The following SEMA4F variants were observed in gnomAD, a reference collection of about 807,000 sequenced individuals.
SEMA4F encodes semaphorin-4F.
SEMA4F carries 51 observed loss-of-function variants against 78.4 expected under a neutral mutation model. That is an observed-to-expected ratio of 0.65 (90% CI 0.52 to 0.82). SEMA4F has a LOEUF of 0.82. SEMA4F is among the 40% of genes least tolerant of loss of function. SEMA4F has a pLI of 0.00. For missense variants in SEMA4F, 938 were observed against 1,014.4 expected, an observed-to-expected ratio of 0.92 and a Z score of 1.02; for synonymous variants, 418 against 408.7, an observed-to-expected ratio of 1.02 and a Z score of -0.27.
intron 5 of SEMA4F, among the ~76,000 whole-genome samples, chr2:74,664,168 G>A (rs1454909294): frequency 6.6e-6 from 1 of 152,200 alleles, no homozygotes; most frequent in South Asian, 2.1e-4. Context: ...TCTTGTGGTA[G>A]TGTAAAGCAG....
At chr2:74,665,757 ACACT>A (rs1684659691) in intron 5 of SEMA4F, among the ~76,000 whole-genome samples, 1 of 152,118 alleles carries the variant, frequency 6.6e-6, no homozygotes, top group Non-Finnish European at 1.5e-5. Context: ...ATCTTTGATG[ACACT>A]CAGAGTCATT....
Position 74,679,734 on chromosome 2 carries a change from G to T in SEMA4F, c.1838G>T (p.Gly613Val), listed in dbSNP as rs777080634. Residue 613 changes from glycine (G) to valine (V), a missense_variant, in exon 14 of 14, where the codon GGA becomes GTA. Gly to Val is a moderately radical substitution (Grantham distance 109). Coordinates refer to ENST00000357877, the MANE Select transcript of SEMA4F (RefSeq NM_004263.5). ...ACTGCACTCACCCCCCGGCGGGATG[G>T]ACTGGAGGTGGTGGTGACCCCAGGG... ...GVTALTPRRD[G>V]LEVVVTPGAM... 7 of 1,614,200 alleles carry T rather than the reference G, an allele frequency of 4.3e-6. No homozygotes were observed. The highest frequency in any genetic ancestry group is 1.1e-5 in the South Asian group (1 of 91,086).
chr2:74,665,902 G>GTTTTTTTTTTTTTTT, intron 5 of SEMA4F, among the ~76,000 whole-genome samples: 1 of 135,936 alleles, frequency 7.4e-6, no homozygotes, highest in Non-Finnish European at 1.6e-5. Flanking sequence ...AGTAATTTTT[G>GTTTTTTTTTTTTTTT]TTTTTTTTTT....
In SEMA4F at chr2:74,675,533, C is replaced by T. The variant is rs1228615974; in HGVS notation, c.1381C>T (p.His461Tyr). 1.2e-6 allele frequency: 2 copies of T among 1,613,850 alleles called. No individual in the cohort carries two copies. Among genetic ancestry groups the T allele is most frequent in the Non-Finnish European group, 1.7e-6 (2 of 1,179,822 alleles). The change falls in exon 11 of 14, where the codon CAC becomes TAC. Residue 461 changes from histidine (H) to tyrosine (Y), a missense_variant. Transcript: ENST00000357877. ...CCTTTCCTGTCCCCTAGAGGATGGA[C>T]ACCTCCACCGAGCAGTGCGGATCGG... ...DVLYLGTEDG[H>Y]LHRAVRIGAQ...
chr2:74,664,797 G>C (rs1307395654), intron 5 of SEMA4F, among the ~76,000 whole-genome samples: 1 of 152,304 alleles, frequency 6.6e-6, no homozygotes, highest in South Asian at 2.1e-4. Context: ...TCTTGGACCA[G>C]TTAAGAGGTA....
Position 74,675,017 on chromosome 2 carries a change from C to G in SEMA4F, c.1131C>G (p.Pro377=). ...TGCCTGTCGTGGACAATGATGTGCCCCAGCCCAGACCTGGAGAGGTGAGGG... is the reference window on the plus strand; with the variant it reads ...TGCCTGTCGTGGACAATGATGTGCCGCAGCCCAGACCTGGAGAGGTGAGGG... ...RGLPVVDNDV[P]QPRPGECITN... is the part of the protein sequence containing the mutation. The change falls in exon 9 of 14, where the codon CCC becomes CCG. Residue 377 remains proline, a synonymous_variant. Transcript: ENST00000357877. 1 of 1,613,878 alleles carries G rather than the reference C, an allele frequency of 6.2e-7. No homozygotes were observed.
rs1424616582 is a variant in SEMA4F at position 74,675,866 on chromosome 2, T to A, written c.1600T>A (p.Phe534Ile). ...CCAGGACCCAGTCTGTGCCTGGAGC[T>A]TCCGGCTGGATGAGTGTGTGGCCCA... Reference protein sequence around the residue: ...LAQDPVCAWSFRLDECVAHAG... With the variant: ...LAQDPVCAWSIRLDECVAHAG... Residue 534 changes from phenylalanine to isoleucine, a missense_variant, in exon 12 of 14, where the codon TTC (phenylalanine) becomes ATC (isoleucine). By Grantham distance (21) the Phe-to-Ile change is conservative. Coordinates refer to ENST00000357877, the MANE Select transcript of SEMA4F (RefSeq NM_004263.5). 1.9e-6 allele frequency: 3 copies of A among 1,614,186 alleles called. No homozygotes were observed. In the Admixed American group the frequency reaches 5.0e-5, roughly 27 times the overall value.
the SEMA4F span, among the ~76,000 whole-genome samples, chr2:74,704,681 G>A: frequency 6.6e-6 from 1 of 151,970 alleles, no homozygotes; most frequent in Non-Finnish European, 1.5e-5. Flanking sequence ...ACTGTAACTT[G>A]CCTACCAATG....
chr2:74,673,808 C>G lies in SEMA4F; in HGVS notation c.802C>G (p.Arg268Gly). Residue 268 changes from arginine (R) to glycine (G), a missense_variant, in exon 7 of 14, where the codon CGG becomes GGG. Transcript: ENST00000357877. ...CTCATACGAGCGCATTAAAGTCCCA[C>G]GGGTGGCCCGTGTGTGTGCGGTGAG... ...FDSYERIKVPRVARVCAGDLG... is the reference protein window; with the variant it reads ...FDSYERIKVPGVARVCAGDLG... 5 of 1,613,910 alleles carry G rather than the reference C, an allele frequency of 3.1e-6. No homozygotes were observed. Among genetic ancestry groups the G allele is most frequent in the Non-Finnish European group, 4.2e-6 (5 of 1,179,886 alleles).
At chr2:74,665,434 T>C (rs1684643743) in intron 5 of SEMA4F, among the ~76,000 whole-genome samples, 1 of 152,044 alleles carries the variant, frequency 6.6e-6, no homozygotes, top group South Asian at 2.1e-4. Flanking sequence ...TTTCACTGTG[T>C]TAGTCAGGAT....
intron 12 of SEMA4F, 87 bp from the exon 13 acceptor site, chr2:74,679,189 A>G (rs1685441355): frequency 2.0e-6 from 2 of 997,530 alleles, no homozygotes; most frequent in Admixed American, 1.7e-5. Context: ...GATGGGAGAT[A>G]TATTGAATGA....
Position 74,681,437 on chromosome 2 carries a change from T to C in SEMA4F, c.*1228T>C, listed in dbSNP as rs1685610202. On this transcript the variant is annotated 3_prime_UTR_variant, in exon 14 of 14. Transcript: ENST00000357877. ...TGAGGCCAAGTTAGGATGGCATCAC[T>C]CTGTGGCAGCTCTCCCTGGACTTGC... 6.6e-6 allele frequency: 1 copy of C among 152,664 alleles called. No individual in the cohort carries two copies. The highest frequency in any genetic ancestry group is 1.5e-5 in the Non-Finnish European group (1 of 68,050). 9.5% of individuals were successfully genotyped at this position (152,664 alleles called of 1,614,324 possible).
intron 4 of SEMA4F, 125 bp from the exon 5 acceptor site, chr2:74,662,606 TG>T: frequency 1.3e-6 from 1 of 766,286 alleles, no homozygotes; most frequent in Non-Finnish European, 2.4e-6. Flanking sequence ...GGATGATAGT[TG>T]GGGGTAGGGA....
At chr2:74,655,201 C>T (rs747437513) in intron 1 of SEMA4F, 7 of 289,650 alleles carry the variant, frequency 2.4e-5, no homozygotes, top group Non-Finnish European at 4.6e-5. Flanking sequence ...TGCCCATTCC[C>T]TACATTGAAT....
In SEMA4F at chr2:74,674,681, G is replaced by C; in HGVS notation, c.1001+5G>C. On this transcript the variant is annotated splice_donor_5th_base_variant and intron_variant, in intron 8 of 13. Transcript: ENST00000357877. ...TGGCATCTTTTCTTCCCAGTGGTGA[G>C]GGGTCTTGGTGTGGAGGAGAGTTAC... 1 of 1,613,656 alleles carries C rather than the reference G, an allele frequency of 6.2e-7. No homozygotes were observed. The highest frequency in any genetic ancestry group is 8.5e-7 in the Non-Finnish European group (1 of 1,179,788).
chr2:74,663,022 T>C (rs1684506365), intron 5 of SEMA4F, among the ~76,000 whole-genome samples, 197 bp downstream of exon 5: 1 of 152,258 alleles, frequency 6.6e-6, no homozygotes, highest in South Asian at 2.1e-4. Flanking sequence ...CCCAGGATTC[T>C]CTCCACAGAA....
downstream of SEMA4F, among the ~76,000 whole-genome samples, chr2:74,688,580 A>T (rs1685864168): frequency 6.6e-6 from 1 of 152,258 alleles, no homozygotes; most frequent in Non-Finnish European, 1.5e-5. Flanking sequence ...TAACATTAAT[A>T]GATGAAAAAG....
the SEMA4F span, among the ~76,000 whole-genome samples, chr2:74,694,414 A>G: frequency 2.8e-4 from 43 of 152,256 alleles, no homozygotes; most frequent in Admixed American, 1.2e-3. Context: ...AACTCTTTTT[A>G]CAAAATGAGG....
In SEMA4F at chr2:74,658,159, G is replaced by A. The variant is rs945520480; in HGVS notation, c.456+208G>A. 6.6e-6 allele frequency among the ~76,000 whole-genome samples: 1 copy of A among 152,160 alleles called. No homozygotes were observed. The highest frequency in any genetic ancestry group is 1.5e-5 in the Non-Finnish European group (1 of 68,028). ...AAGCCACTGAGGGAGGGAAAGGGAG[G>A]TTGTCTGGAGAGGGTAAGATATACA... On this transcript the variant is annotated intron_variant, in intron 4 of 13. Coordinates refer to ENST00000357877, the MANE Select transcript of SEMA4F (RefSeq NM_004263.5). The surrounding 1 kb of genome is among the most constrained non-coding windows in gnomAD (Gnocchi z 4.3).
Sources: gnomAD v4.1 joint callset for allele counts (sites outside exome capture counted in the v4.1 genomes callset) on GRCh38, gnomAD v4.1.1 for gene constraint, Gnocchi (gnomAD v3.1) non-coding constraint, MANE v1.5 for transcripts, NCBI Gene and HGNC (gene_info 2026-07-23, HGNC 2026-07-21) for gene names.